The following ATRNL1 variants were observed in gnomAD, a reference collection of about 807,000 sequenced individuals.
The protein encoded by ATRNL1 is attractin-like protein 1.
In ATRNL1, 95 loss-of-function variants were observed where a neutral mutation model predicts 182.7. The observed-to-expected ratio is 0.52, with a 90% CI of 0.44 to 0.62. The LOEUF (loss-of-function observed/expected upper bound fraction) is 0.62, where lower values mean the gene tolerates loss of function less well. Among genes scored for constraint, ATRNL1 ranks in the 20% least tolerant of loss-of-function variants. The pLI is 0.00. For synonymous variants in ATRNL1, 576 were observed against 568.3 expected, an observed-to-expected ratio of 1.01 and a Z score of -0.19; for missense variants, 1,471 against 1,679.5, an observed-to-expected ratio of 0.88 and a Z score of 2.17.
At chr10:115,104,069 T>C (rs1843895913) in intron 1 of ATRNL1, among the ~76,000 whole-genome samples, 1 of 152,212 alleles carries the variant, frequency 6.6e-6, no homozygotes, top group South Asian at 2.1e-4. Context: ...AGCAGTGGGA[T>C]TGCTGAATCA....
chr10:115,666,643 T>C (rs1217427576), intron 26 of ATRNL1, among the ~76,000 whole-genome samples: 1 of 152,172 alleles, frequency 6.6e-6, no homozygotes, highest in African/African-American at 2.4e-5. Context: ...TGGCAACATA[T>C]GGCTATTTAA....
chr10:115,866,724 T>C (rs949290402), intron 28 of ATRNL1, among the ~76,000 whole-genome samples: 18 of 152,296 alleles, frequency 1.2e-4, no homozygotes, highest in African/African-American at 4.3e-4. Context: ...GTTAAGCTTA[T>C]ATTTAATCTG....
chr10:115,174,776 C>T (rs1554886400), intron 8 of ATRNL1, among the ~76,000 whole-genome samples: 2 of 151,902 alleles, frequency 1.3e-5, no homozygotes, highest in Non-Finnish European at 2.9e-5. Flanking sequence ...CCTTACTTTG[C>T]CTACACTTGC....
chr10:115,876,684 A>C (rs879989492), intron 28 of ATRNL1, among the ~76,000 whole-genome samples: 3 of 152,194 alleles, frequency 2.0e-5, no homozygotes, highest in Non-Finnish European at 4.4e-5. Flanking sequence ...AATTATAGAG[A>C]TCTGACAGTG....
chr10:115,630,760 A>C (rs1033696669), intron 26 of ATRNL1, among the ~76,000 whole-genome samples: 2 of 147,430 alleles, frequency 1.4e-5, no homozygotes, highest in Admixed American at 1.4e-4. Context: ...ATATATATTT[A>C]ATAGATATAT....
chr10:115,371,481 G>A (rs1274958456), intron 19 of ATRNL1, among the ~76,000 whole-genome samples: 1 of 152,364 alleles, frequency 6.6e-6, no homozygotes, highest in South Asian at 2.1e-4. Flanking sequence ...TAACCTGGAT[G>A]TGAGACATGG....
rs190189526 is a variant in ATRNL1, at chr10:115,283,622, C to A, written c.2233+2135C>A. 1.9e-4 allele frequency among the ~76,000 whole-genome samples: 29 copies of A among 152,236 alleles called. No individual in the cohort carries two copies. The East Asian group carries it at 5.6e-3, about 29-fold the overall frequency. On this transcript the variant is annotated intron_variant, in intron 14 of 28. Transcript: ENST00000355044. Reference sequence around the variant, plus strand: ...AAGAAGTTGAAAGTGGTATTGGTCTCTCAGAATTAAACTATAAAATGAAAA... The same window carrying A: ...AAGAAGTTGAAAGTGGTATTGGTCTATCAGAATTAAACTATAAAATGAAAA...
At chr10:115,748,568 T>C (rs1948358815) in intron 27 of ATRNL1, among the ~76,000 whole-genome samples, 1 of 151,852 alleles carries the variant, frequency 6.6e-6, no homozygotes, top group South Asian at 2.1e-4. Context: ...TATGTCACTA[T>C]TTACTCACCA....
intron 26 of ATRNL1, among the ~76,000 whole-genome samples, chr10:115,583,177 T>C (rs868941305): frequency 6.7e-6 from 1 of 149,332 alleles, no homozygotes; most frequent in Non-Finnish European, 1.5e-5. Flanking sequence ...AGTCAGGTAG[T>C]GTGATGCCTC....
At chr10:115,279,074 C>T (rs11197145) in intron 13 of ATRNL1, among the ~76,000 whole-genome samples, 45,321 of 151,334 alleles carry the variant, frequency 0.3, 8,247 homozygotes, top group Middle Eastern at 0.44. Flanking sequence ...TGGTGGTGGG[C>T]GCCTGTATTC....
intron 27 of ATRNL1, among the ~76,000 whole-genome samples, chr10:115,781,484 A>C (rs1949264794): frequency 6.6e-6 from 1 of 152,262 alleles, no homozygotes; most frequent in Non-Finnish European, 1.5e-5. Flanking sequence ...ACATAATGGA[A>C]TACTGAAGTG....
At chr10:115,150,239 TTTG>T (rs1357177766) in intron 5 of ATRNL1, among the ~76,000 whole-genome samples, 3 of 152,068 alleles carry the variant, frequency 2.0e-5, no homozygotes, top group Non-Finnish European at 4.4e-5. Context: ...CTAATTTTTT[TTTG>T]TTGTTGTTGC....
At chr10:115,487,862 G>T (rs781982426) in intron 24 of ATRNL1, among the ~76,000 whole-genome samples, 1 of 152,142 alleles carries the variant, frequency 6.6e-6, no homozygotes, top group Non-Finnish European at 1.5e-5. Flanking sequence ...TATTGGCTGT[G>T]CATTTGTCAT....
At chr10:115,739,070 A>G (rs1477493690) in intron 27 of ATRNL1, among the ~76,000 whole-genome samples, 5 of 152,164 alleles carry the variant, frequency 3.3e-5, no homozygotes, top group Admixed American at 3.3e-4. Context: ...TAAGATGAAT[A>G]TAAGCTATGA....
At chr10:115,782,573 GC>G (rs782205723) in intron 27 of ATRNL1, among the ~76,000 whole-genome samples, 2 of 152,106 alleles carry the variant, frequency 1.3e-5, no homozygotes, top group Non-Finnish European at 2.9e-5. Flanking sequence ...AAGCAACTGT[GC>G]CTATCCTACA....
chr10:115,691,682 A>G (rs903330711), intron 26 of ATRNL1, among the ~76,000 whole-genome samples: 1 of 152,204 alleles, frequency 6.6e-6, no homozygotes, highest in Non-Finnish European at 1.5e-5. Flanking sequence ...AGATCACGCT[A>G]CTGCACTCCA....
rs377673511 is a variant in ATRNL1, at chr10:115,225,244, A to G, written c.1532+9364A>G. 3.8e-4 allele frequency among the ~76,000 whole-genome samples: 58 copies of G among 151,948 alleles called. No individual in the cohort carries two copies. The East Asian group carries it at 7.9e-3, about 21-fold the overall frequency. On this transcript the variant is annotated intron_variant, in intron 9 of 28. Coordinates refer to ENST00000355044, the MANE Select transcript of ATRNL1 (RefSeq NM_207303.4). Reference sequence around the variant, plus strand: ...TATAATCTTGAAAGATGCAGAAAAAAGTATAGATAAAATTTATCATGTATT... The same window carrying G: ...TATAATCTTGAAAGATGCAGAAAAAGGTATAGATAAAATTTATCATGTATT...
At chr10:115,564,764 T>C (rs913090666) in intron 26 of ATRNL1, among the ~76,000 whole-genome samples, 1 of 151,990 alleles carries the variant, frequency 6.6e-6, no homozygotes, top group Non-Finnish European at 1.5e-5. Flanking sequence ...TGTATAGTTT[T>C]CTGAAGTTAT....
intron 21 of ATRNL1, among the ~76,000 whole-genome samples, chr10:115,458,955 T>A (rs1847664037): frequency 6.6e-6 from 1 of 152,178 alleles, no homozygotes; most frequent in Non-Finnish European, 1.5e-5. Flanking sequence ...GGCAGAAGAA[T>A]ATGGATTGTG....
Sources: allele counts gnomAD v4.1 joint callset (sites outside exome capture counted in the v4.1 genomes callset), GRCh38; gene constraint gnomAD v4.1.1; transcripts MANE v1.5; gene names NCBI Gene and HGNC (gene_info 2026-07-23, HGNC 2026-07-21).